SPOCK1: variants seen among roughly 807,000 people sequenced by gnomAD.
SPOCK1 encodes testican-1.
SPOCK1 carries 23 observed loss-of-function variants against 55.3 expected under a neutral mutation model. The observed-to-expected ratio is 0.42, with a 90% confidence interval of 0.30 to 0.59. The LOEUF (loss-of-function observed/expected upper bound fraction) is 0.59. SPOCK1 is among the 20% of genes least tolerant of loss of function. The pLI, the probability that SPOCK1 is intolerant of heterozygous loss-of-function variation, is 0.22. For synonymous variants in SPOCK1, 226 were observed against 221.0 expected, an observed-to-expected ratio of 1.02 and a Z score of -0.20; for missense variants, 499 against 552.5, an observed-to-expected ratio of 0.90 and a Z score of 0.97.
intron 5 of SPOCK1, among the ~76,000 whole-genome samples, chr5:137,101,672 T>C (rs926266450): frequency 2.6e-5 from 4 of 152,236 alleles, no homozygotes; most frequent in Admixed American, 6.5e-5. Context: ...ATTTTCACAA[T>C]GGACGATGTC....
At chr5:137,064,485 C>G (rs548536389) in intron 6 of SPOCK1, among the ~76,000 whole-genome samples, 1 of 152,288 alleles carries the variant, frequency 6.6e-6, no homozygotes, top group South Asian at 2.1e-4. Context: ...GCTCCTCCTA[C>G]GGTCCAGAGC....
chr5:137,086,837 G>A lies in SPOCK1; in HGVS notation c.475-19008C>T, dbSNP rs187271516. 2.8e-3 allele frequency among the ~76,000 whole-genome samples: 422 copies of A among 152,236 alleles called. 1 individual carries two copies. The highest frequency in any genetic ancestry group is 5.6e-3 in the Admixed American group (86 of 15,302). ...AGCTTTCTACTACACCTTATTCTTA[G>A]TAAAGTGCCCTCCCTTCTACTAAGT... On this transcript the variant is annotated intron_variant, in intron 5 of 10. Transcript: ENST00000394945.
intron 3 of SPOCK1, among the ~76,000 whole-genome samples, chr5:137,196,640 G>T (rs919902159): frequency 6.6e-6 from 1 of 152,238 alleles, no homozygotes. Context: ...TTCCCTGACT[G>T]CCTCCAACTA....
intron 3 of SPOCK1, among the ~76,000 whole-genome samples, chr5:137,185,240 T>C (rs1156553010): frequency 6.6e-6 from 1 of 152,190 alleles, no homozygotes; most frequent in Non-Finnish European, 1.5e-5. Context: ...ACTTTTTTAT[T>C]TCTTATTCTC....
chr5:137,128,986 A>G (rs1045629392), intron 4 of SPOCK1, among the ~76,000 whole-genome samples: 1 of 152,250 alleles, frequency 6.6e-6, no homozygotes, highest in Non-Finnish European at 1.5e-5. Flanking sequence ...AAGTGGTACA[A>G]AAGTCTGCTT....
chr5:137,378,080 G>C (rs946800610), intron 2 of SPOCK1, among the ~76,000 whole-genome samples: 9 of 151,908 alleles, frequency 5.9e-5, no homozygotes, highest in African/African-American at 1.2e-4. Flanking sequence ...GAGTAGCTGG[G>C]ATTACAGGCA....
chr5:137,498,365 G>T lies in SPOCK1; in HGVS notation c.186+8C>A. The T allele has an allele frequency of 6.3e-7, 1 of 1,586,532 alleles. No homozygotes were observed. The highest frequency in any genetic ancestry group is 8.6e-7 in the Non-Finnish European group (1 of 1,167,020). On this transcript the variant is annotated splice_region_variant and intron_variant, in intron 2 of 10. Coordinates refer to ENST00000394945, the MANE Select transcript of SPOCK1 (RefSeq NM_004598.4). The stretch of plus-strand genomic sequence containing the variant: ...CGCCCCCCAGGGCCGGGTGGCGCCG[G>T]TACTCACGTCTCGAAAGCGGTTCCA...
At chr5:137,162,285 G>A (rs1754573188) in intron 3 of SPOCK1, among the ~76,000 whole-genome samples, 1 of 151,776 alleles carries the variant, frequency 6.6e-6, no homozygotes, top group Non-Finnish European at 1.5e-5. Flanking sequence ...CTACAGGCAT[G>A]CACCACCACG....
At chr5:137,089,195 C>G (rs1403338989) in intron 5 of SPOCK1, among the ~76,000 whole-genome samples, 1 of 152,158 alleles carries the variant, frequency 6.6e-6, no homozygotes, top group Non-Finnish European at 1.5e-5. Context: ...TTTGTCCCTG[C>G]TCATGAGTGT....
At chr5:137,293,877 C>T (rs1282302620) in intron 2 of SPOCK1, among the ~76,000 whole-genome samples, 3 of 152,086 alleles carry the variant, frequency 2.0e-5, no homozygotes, top group Admixed American at 1.3e-4. Flanking sequence ...ATTAGCCGGG[C>T]GTGGTGGCAT....
intron 2 of SPOCK1, among the ~76,000 whole-genome samples, chr5:137,497,171 T>C (rs888093592): frequency 7.9e-5 from 12 of 152,190 alleles, no homozygotes; most frequent in Non-Finnish European, 1.8e-4. Flanking sequence ...AGGAGTCCAG[T>C]GGAGGAAGCT....
intron 6 of SPOCK1, among the ~76,000 whole-genome samples, chr5:136,997,105 C>G (rs6876032): frequency 0.86 from 130,214 of 152,146 alleles, 55,759 homozygotes; most frequent in Admixed American, 0.88. Context: ...TGTTTCTACA[C>G]GTTATGACGT....
At chr5:137,213,750 T>C (rs1226926275) in intron 3 of SPOCK1, among the ~76,000 whole-genome samples, 1 of 152,164 alleles carries the variant, frequency 6.6e-6, no homozygotes, top group African/African-American at 2.4e-5. Flanking sequence ...AATAGAAGGG[T>C]GCAGCACACA....
intron 2 of SPOCK1, among the ~76,000 whole-genome samples, chr5:137,301,054 C>A (rs1344586892): frequency 2.0e-5 from 3 of 152,168 alleles, no homozygotes; most frequent in South Asian, 2.1e-4. Context: ...AGGGAAGAAA[C>A]AGAGACATCC....
intron 2 of SPOCK1, among the ~76,000 whole-genome samples, chr5:137,350,003 G>A (rs1318045049): frequency 6.6e-6 from 1 of 152,170 alleles, no homozygotes; most frequent in Non-Finnish European, 1.5e-5. Flanking sequence ...TTCTCAGCAT[G>A]TTGAGAGTGA....
intron 2 of SPOCK1, among the ~76,000 whole-genome samples, chr5:137,332,353 A>T (rs540220854): frequency 2.0e-5 from 3 of 151,972 alleles, no homozygotes; most frequent in Admixed American, 2.0e-4. Flanking sequence ...ACAATTAGTA[A>T]TTTTCCTGCT....
intron 2 of SPOCK1, among the ~76,000 whole-genome samples, chr5:137,293,738 C>T (rs137910290): frequency 0.01 from 1,540 of 152,340 alleles, 15 homozygotes; most frequent in Non-Finnish European, 0.013. Context: ...AACGATGCAC[C>T]GGGCGTGGTG....
At chr5:137,298,922 C>T (rs1465884306) in intron 2 of SPOCK1, among the ~76,000 whole-genome samples, 2 of 152,032 alleles carry the variant, frequency 1.3e-5, no homozygotes, top group Non-Finnish European at 2.9e-5. Context: ...TTTAGGTGTC[C>T]TCCCTTTCAA....
intron 2 of SPOCK1, among the ~76,000 whole-genome samples, chr5:137,313,976 G>C (rs1757832775): frequency 6.7e-6 from 1 of 149,216 alleles, no homozygotes; most frequent in Admixed American, 6.7e-5. Flanking sequence ...AGATGGTCCT[G>C]CACCACACCC....
Sources: allele counts gnomAD v4.1 joint callset (sites outside exome capture counted in the v4.1 genomes callset), GRCh38; gene constraint gnomAD v4.1.1; transcripts MANE v1.5; gene names NCBI Gene and HGNC (gene_info 2026-07-23, HGNC 2026-07-21).